TEN1: variants seen among roughly 807,000 people sequenced by gnomAD.
TEN1 encodes CST complex subunit TEN1.
A neutral mutation model predicts 9.3 loss-of-function variants in TEN1; 6 were observed. That is an observed-to-expected ratio of 0.65 (90% CI 0.35 to 1.27). The LOEUF is 1.27. TEN1 is among the 50% of genes most tolerant of loss of function. TEN1 has a pLI of 0.03. For missense variants in TEN1, 149 were observed against 158.2 expected (o/e 0.94, Z 0.31); for synonymous variants, 65 against 65.6 (o/e 0.99, Z 0.04).
intron 1 of TEN1, among the ~76,000 whole-genome samples, chr17:75,982,724 T>G (rs1026776407): frequency 8.6e-5 from 13 of 151,960 alleles, no homozygotes; most frequent in Admixed American, 6.6e-5. Flanking sequence ...TATTTATTAT[T>G]TTTTCAGGCA....
chr17:75,988,530 T>C (rs62088259), intron 2 of TEN1, among the ~76,000 whole-genome samples: 138,598 of 138,598 alleles, frequency 1, 69,299 homozygotes, highest in Non-Finnish European at 1. Flanking sequence ...CCACTGTACT[T>C]TATCCTGGGT....
intron 1 of TEN1, among the ~76,000 whole-genome samples, chr17:75,984,080 A>G (rs1196096904): frequency 6.6e-6 from 1 of 152,006 alleles, no homozygotes; most frequent in Non-Finnish European, 1.5e-5. Flanking sequence ...GGGAAGGGCT[A>G]TTTTCATTTA....
chr17:75,980,664 C>A (rs1459161458), intron 1 of TEN1, among the ~76,000 whole-genome samples: 6 of 152,210 alleles, frequency 3.9e-5, no homozygotes, highest in Non-Finnish European at 4.4e-5. Context: ...ACCTGTTGAT[C>A]CACCTGCCTC....
chr17:75,988,434 C>T (rs372528296), intron 2 of TEN1, among the ~76,000 whole-genome samples: 1 of 151,016 alleles, frequency 6.6e-6, no homozygotes, highest in African/African-American at 2.4e-5. Flanking sequence ...TGGCAGTGTG[C>T]GCCTGTAGCC....
intron 1 of TEN1, among the ~76,000 whole-genome samples, chr17:75,982,079 C>A (rs543838838): frequency 6.6e-6 from 1 of 152,232 alleles, no homozygotes; most frequent in Non-Finnish European, 1.5e-5. Flanking sequence ...TTCCCTCCTT[C>A]TTTTGGTGTA....
chr17:75,986,232 G>A lies in TEN1; in HGVS notation c.40G>A (p.Glu14Lys). The A allele has an allele frequency of 1.3e-6, 2 of 1,550,084 alleles. No homozygotes were observed. Among genetic ancestry groups the A allele is most frequent in the Non-Finnish European group, 1.7e-6 (2 of 1,146,248 alleles). ...PKPGTYYLPW[E>K]VSAGQVPDGS... Reference sequence around the variant, plus strand: ...ACCTGGGACCTATTACCTCCCCTGGGAGGTTAGTGCAGGCCAAGTTCCTGA... The same window carrying A: ...ACCTGGGACCTATTACCTCCCCTGGAAGGTTAGTGCAGGCCAAGTTCCTGA... Residue 14 changes from glutamate (E) to lysine (K), a missense_variant, in exon 2 of 4, where the codon GAG becomes AAG. Coordinates refer to ENST00000397640, the MANE Select transcript of TEN1 (RefSeq NM_001113324.3).
At chr17:75,995,880 C>T (rs1000799225) in intron 3 of TEN1, among the ~76,000 whole-genome samples, 5 of 152,002 alleles carry the variant, frequency 3.3e-5, no homozygotes, top group Admixed American at 3.3e-4. Flanking sequence ...ATCACTTGAA[C>T]CCAGGAGTTT....
intron 2 of TEN1, among the ~76,000 whole-genome samples, chr17:75,990,816 A>G (rs543132104): frequency 6.6e-6 from 1 of 150,978 alleles, no homozygotes; most frequent in African/African-American, 2.4e-5. Flanking sequence ...GAAAGGAAGA[A>G]AAAGATTTCT....
chr17:75,980,428 A>C (rs1482824036), intron 1 of TEN1, among the ~76,000 whole-genome samples: 1 of 146,066 alleles, frequency 6.8e-6, no homozygotes, highest in Non-Finnish European at 1.5e-5. Flanking sequence ...ATCTCTAGTC[A>C]TTTTTTTTTT....
chr17:75,983,607 A>G (rs1276605011), intron 1 of TEN1, among the ~76,000 whole-genome samples: 3 of 152,230 alleles, frequency 2.0e-5, no homozygotes, highest in Non-Finnish European at 4.4e-5. Context: ...ATTACAGTCA[A>G]GAAAGACTAA....
chr17:75,995,611 C>T lies in TEN1; in HGVS notation c.250+3988C>T, dbSNP rs960636835. 2.6e-5 allele frequency among the ~76,000 whole-genome samples: 4 copies of T among 152,290 alleles called. No homozygotes were observed. The East Asian group carries it at 5.8e-4, about 22-fold the overall frequency. On this transcript the variant is annotated intron_variant, in intron 3 of 3. Transcript: ENST00000397640. ...CACCCGCTGGCGCCATCCAAAGGCC[C>T]GAGGGCCCCCTGTTCTGGAACTAAG... is the stretch of plus-strand genomic sequence containing the variant.
intron 3 of TEN1, among the ~76,000 whole-genome samples, chr17:75,993,779 G>A (rs933242043): frequency 4.0e-5 from 6 of 151,226 alleles, no homozygotes; most frequent in East Asian, 2.0e-4. Context: ...GGCGGATCTC[G>A]AGGTCAGGAG....
At position 76,000,078 on chromosome 17, in the gene TEN1, C is replaced by T; in HGVS notation, c.251-63C>T. The T allele has an allele frequency of 1.3e-6, 2 of 1,529,236 alleles. No individual in the cohort carries two copies. The highest frequency in any genetic ancestry group is 2.0e-5 in the Admixed American group (1 of 49,812). 94.7% of individuals were successfully genotyped at this position (1,529,236 alleles called of 1,614,324 possible). ...CTGTGGAGGGAACAGCTGGAATGCA[C>T]CTTGGAGGACGTTGTTGACACGCCG... On this transcript the variant is annotated intron_variant, in intron 3 of 3. Transcript: ENST00000397640. The surrounding 1 kb of genome is among the most constrained non-coding windows in gnomAD (Gnocchi z 5.9).
chr17:75,991,733 G>A (rs748117869), intron 3 of TEN1, 110 bp downstream of exon 3: 1 of 1,298,388 alleles, frequency 7.7e-7, no homozygotes, highest in Non-Finnish European at 1.0e-6. Context: ...GTCTCATCAG[G>A]GTTAATGTTT....
chr17:75,994,199 C>CT (rs775135746), intron 3 of TEN1, among the ~76,000 whole-genome samples: 1 of 151,874 alleles, frequency 6.6e-6, no homozygotes, highest in Admixed American at 6.6e-5. Context: ...CTTTGGGAGG[C>CT]TAAGGCAGGA....
intron 3 of TEN1, among the ~76,000 whole-genome samples, chr17:75,998,985 G>A: frequency 6.6e-6 from 1 of 151,834 alleles, no homozygotes; most frequent in East Asian, 1.9e-4. Flanking sequence ...GAAAGAGCAT[G>A]AGTGCAAAAA....
chr17:75,979,649 C>A (rs934214599), intron 1 of TEN1, 138 bp downstream of exon 1: 18 of 175,862 alleles, frequency 1.0e-4, no homozygotes, highest in Admixed American at 9.4e-4. Flanking sequence ...TGAGAGTGGT[C>A]GGGAGACTCT....
chr17:75,996,623 C>T (rs937245683), intron 3 of TEN1, among the ~76,000 whole-genome samples: 8 of 147,918 alleles, frequency 5.4e-5, no homozygotes, highest in Non-Finnish European at 1.2e-4. Context: ...GTGGGAGGAT[C>T]ACTTGAGCCA....
chr17:75,997,638 C>A (rs1311596158), intron 3 of TEN1, among the ~76,000 whole-genome samples: 1 of 152,100 alleles, frequency 6.6e-6, no homozygotes, highest in Non-Finnish European at 1.5e-5. Context: ...GGTGTTCAAG[C>A]CTCCTCTATA....
Sources: gnomAD v4.1 joint callset for allele counts (sites outside exome capture counted in the v4.1 genomes callset) on GRCh38, gnomAD v4.1.1 for gene constraint, Gnocchi (gnomAD v3.1) non-coding constraint, MANE v1.5 for transcripts, NCBI Gene and HGNC (gene_info 2026-07-23, HGNC 2026-07-21) for gene names.